The following CDC42BPA variants were observed in gnomAD, a reference collection of about 807,000 sequenced individuals.
The protein encoded by CDC42BPA is CDC42 binding protein kinase alpha.
In CDC42BPA, 80 loss-of-function variants were observed where a neutral mutation model predicts 223.5. The ratio of observed to expected loss-of-function variants is 0.36; its 90% confidence interval spans 0.30 to 0.43. The LOEUF is 0.43. CDC42BPA is among the 20% of genes least tolerant of loss of function. CDC42BPA has a pLI of 1.00. For synonymous variants in CDC42BPA, 694 were observed against 718.6 expected (o/e 0.97, Z 0.55); for missense variants, 1,743 against 2,099.9 (o/e 0.83, Z 3.32).
chr1:227,279,111 C>A lies in CDC42BPA; in HGVS notation c.179-24956G>T, dbSNP rs185904002. On this transcript the variant is annotated intron_variant, in intron 1 of 36. Coordinates refer to ENST00000366766, the MANE Select transcript of CDC42BPA (RefSeq NM_001394014.1). ...GTTAAATTAGGATGGAAGACAGATCCGTAGTTCTCTCTTCCATTACATCTT... is the reference window on the plus strand; with the variant it reads ...GTTAAATTAGGATGGAAGACAGATCAGTAGTTCTCTCTTCCATTACATCTT... 6.0e-3 allele frequency among the ~76,000 whole-genome samples: 911 copies of A among 151,818 alleles called. 10 individuals are homozygous for A. The highest frequency in any genetic ancestry group is 0.021 in the African/African-American group (858 of 41,418).
intron 5 of CDC42BPA, among the ~76,000 whole-genome samples, chr1:227,184,521 G>A (rs1014449210): frequency 6.6e-6 from 1 of 152,064 alleles, no homozygotes; most frequent in African/African-American, 2.4e-5. Flanking sequence ...CCAATGATCT[G>A]TGTGTTTATT....
chr1:227,112,247 C>T (rs541747131), intron 14 of CDC42BPA, 65 bp downstream of exon 14: 10 of 882,898 alleles, frequency 1.1e-5, no homozygotes, highest in Admixed American at 4.7e-5. Context: ...TACAAGCTAA[C>T]ACTCCTAACA....
At chr1:227,258,974 G>C (rs1022206372) in intron 1 of CDC42BPA, among the ~76,000 whole-genome samples, 4 of 151,060 alleles carry the variant, frequency 2.6e-5, no homozygotes, top group Non-Finnish European at 4.4e-5. Flanking sequence ...GATCTGTTGC[G>C]CTGGTAGATA....
intron 16 of CDC42BPA, among the ~76,000 whole-genome samples, chr1:227,087,000 A>G (rs1682083074): frequency 6.6e-6 from 1 of 152,098 alleles, no homozygotes; most frequent in Non-Finnish European, 1.5e-5. Flanking sequence ...TTATGAATAC[A>G]AGTCTTTTTT....
At chr1:227,108,964 A>C (rs1349180284) in intron 14 of CDC42BPA, among the ~76,000 whole-genome samples, 1 of 152,230 alleles carries the variant, frequency 6.6e-6, no homozygotes, top group African/African-American at 2.4e-5. Context: ...CTGTAACACA[A>C]CAGTAAACAC....
In CDC42BPA at chr1:227,274,763, T is replaced by C. The variant is rs146372209; in HGVS notation, c.179-20608A>G. Among the ~76,000 whole-genome samples, 775 of 152,186 alleles carry C rather than the reference T, an allele frequency of 5.1e-3. 6 individuals are homozygous for C. Among genetic ancestry groups the C allele is most frequent in the African/African-American group, 0.018 (743 of 41,506 alleles). On this transcript the variant is annotated intron_variant, in intron 1 of 36. Coordinates refer to ENST00000366766, the MANE Select transcript of CDC42BPA (RefSeq NM_001394014.1). ...CAGGTAAATAATATCCAAATAAAGG[T>C]ATATTATTTATATTAATATGAAGAG... is the stretch of plus-strand genomic sequence containing the variant.
At chr1:227,031,264 T>G in intron 28 of CDC42BPA, 34 bp downstream of exon 28, 1 of 1,520,462 alleles carries the variant, frequency 6.6e-7, no homozygotes, top group African/African-American at 1.4e-5. Flanking sequence ...TAGTAAACAA[T>G]GATAATAATA....
chr1:227,165,811 G>A (rs1572089199), intron 5 of CDC42BPA, among the ~76,000 whole-genome samples: 2 of 152,134 alleles, frequency 1.3e-5, no homozygotes, highest in African/African-American at 4.8e-5. Context: ...AAATAGAATT[G>A]AATATAGCTG....
At chr1:227,302,390 A>G (rs1177917867) in intron 1 of CDC42BPA, among the ~76,000 whole-genome samples, 1 of 152,144 alleles carries the variant, frequency 6.6e-6, no homozygotes, top group African/African-American at 2.4e-5. Context: ...ATACTTAAGA[A>G]TTTGTCTGGA....
intron 22 of CDC42BPA, among the ~76,000 whole-genome samples, chr1:227,051,136 A>G (rs1673454062): frequency 6.6e-6 from 1 of 152,134 alleles, no homozygotes; most frequent in South Asian, 2.1e-4. Flanking sequence ...ACTTCAGACA[A>G]CTCTTCAGAT....
chr1:227,046,778 C>T (rs944260653), intron 23 of CDC42BPA, among the ~76,000 whole-genome samples: 1 of 152,066 alleles, frequency 6.6e-6, no homozygotes, highest in Non-Finnish European at 1.5e-5. Flanking sequence ...CTTGCATGTT[C>T]TTAATAGTTT....
At chr1:227,312,119 T>C (rs775033908) in intron 1 of CDC42BPA, among the ~76,000 whole-genome samples, 1 of 152,268 alleles carries the variant, frequency 6.6e-6, no homozygotes, top group Non-Finnish European at 1.5e-5. Flanking sequence ...ATTCCTTCTA[T>C]ATTTGATGTA....
intron 35 of CDC42BPA, among the ~76,000 whole-genome samples, chr1:227,001,921 CA>C (rs1167829483): frequency 9.9e-5 from 15 of 151,564 alleles, no homozygotes; most frequent in South Asian, 6.2e-4. Flanking sequence ...AAAACAAAAA[CA>C]AAAAACAAAA....
At chr1:227,199,437 C>A in intron 4 of CDC42BPA, 120 bp downstream of exon 4, 2 of 624,642 alleles carry the variant, frequency 3.2e-6, no homozygotes, top group Non-Finnish European at 5.5e-6. Context: ...AACAACTTAC[C>A]CTGTATGAAA....
At chr1:227,067,858 T>C (rs1190294524) in intron 21 of CDC42BPA, among the ~76,000 whole-genome samples, 1 of 152,150 alleles carries the variant, frequency 6.6e-6, no homozygotes, top group Non-Finnish European at 1.5e-5. Context: ...ATGCACAATA[T>C]TTGCATTTGA....
At chr1:227,258,172 C>CG (rs1336535375) in intron 1 of CDC42BPA, among the ~76,000 whole-genome samples, 1 of 112,072 alleles carries the variant, frequency 8.9e-6, no homozygotes, top group Non-Finnish European at 1.9e-5. Flanking sequence ...GAAACCCTGT[C>CG]CGGGAAAAAA....
At chr1:227,072,162 T>C (rs759883457) in intron 20 of CDC42BPA, 46 bp downstream of exon 20, 1 of 1,021,498 alleles carries the variant, frequency 9.8e-7, no homozygotes, top group Admixed American at 2.3e-5. Context: ...AATATATTTA[T>C]AACATAACAG....
chr1:227,280,934 CA>C (rs1011516268), intron 1 of CDC42BPA, among the ~76,000 whole-genome samples: 2 of 152,172 alleles, frequency 1.3e-5, no homozygotes, highest in Non-Finnish European at 2.9e-5. Context: ...AACTGCCTCT[CA>C]GGGCCTCTGC....
chr1:227,188,130 A>C (rs570868874), intron 5 of CDC42BPA, among the ~76,000 whole-genome samples: 1 of 152,270 alleles, frequency 6.6e-6, no homozygotes, highest in African/African-American at 2.4e-5. Flanking sequence ...TTTTATTTTT[A>C]ATTAGTCTAA....
Sources: allele counts gnomAD v4.1 joint callset (sites outside exome capture counted in the v4.1 genomes callset), GRCh38; gene constraint gnomAD v4.1.1; transcripts MANE v1.5; gene names NCBI Gene and HGNC (gene_info 2026-07-23, HGNC 2026-07-21).